RAD51B: variants seen among roughly 807,000 people sequenced by gnomAD.
RAD51B encodes DNA repair protein RAD51 homolog 2.
RAD51B carries 38 observed loss-of-function variants against 42.2 expected under a neutral mutation model. The observed-to-expected ratio is 0.90, with a 90% CI of 0.70 to 1.18. The LOEUF is 1.18. Among genes scored for constraint, RAD51B ranks in the 50% most tolerant of loss-of-function variants. The probability of loss-of-function intolerance (pLI) is 0.00; values close to 1 mark genes in which losing one functional copy is unlikely to be tolerated. For synonymous variants in RAD51B, 154 were observed against 145.2 expected (o/e 1.06, Z -0.43); for missense variants, 373 against 400.7 (o/e 0.93, Z 0.59).
At chr14:68,488,343 A>G (rs1241282253) in intron 10 of RAD51B, among the ~76,000 whole-genome samples, 2 of 152,032 alleles carry the variant, frequency 1.3e-5, no homozygotes, top group African/African-American at 4.8e-5. Flanking sequence ...AGCCTACCGT[A>G]TATAAAGGGG....
chr14:68,066,040 C>T (rs560778122), intron 7 of RAD51B, among the ~76,000 whole-genome samples: 1 of 149,910 alleles, frequency 6.7e-6, no homozygotes, highest in South Asian at 2.1e-4. Flanking sequence ...AAATATTTAT[C>T]TGCAAATATA....
At chr14:68,239,269 C>T (rs1566751103) in intron 7 of RAD51B, among the ~76,000 whole-genome samples, 1 of 152,164 alleles carries the variant, frequency 6.6e-6, no homozygotes, top group Admixed American at 6.5e-5. Context: ...CCTTCTCTGA[C>T]TCCCTTTCTC....
At chr14:68,594,463 CT>C (rs747695531) in intron 10 of RAD51B, 35 of 1,362,066 alleles carry the variant, frequency 2.6e-5, no homozygotes, top group African/African-American at 5.9e-5. Flanking sequence ...CTTTGACTTC[CT>C]TTTTTTTCTC....
At chr14:67,956,264 C>A (rs914370753) in intron 7 of RAD51B, among the ~76,000 whole-genome samples, 1 of 152,084 alleles carries the variant, frequency 6.6e-6, no homozygotes, top group African/African-American at 2.4e-5. Flanking sequence ...GTTTGGGAGG[C>A]TGAGGTGGGT....
chr14:68,502,399 C>T (rs1884989425), intron 10 of RAD51B, among the ~76,000 whole-genome samples: 1 of 152,208 alleles, frequency 6.6e-6, no homozygotes. Flanking sequence ...ACTCCCCCCA[C>T]GGGCCGCCCG....
rs180693612 is a variant in RAD51B, at chr14:68,650,027, T to C, written c.1037-754T>C. 3.4e-4 allele frequency among the ~76,000 whole-genome samples: 52 copies of C among 152,324 alleles called. 1 individual carries two copies. Among genetic ancestry groups the C allele is most frequent in the Admixed American group, 2.2e-3 (33 of 15,306 alleles). ...CTTGGCCCATTGGTCTGGGAGACTCTAAAGTCACTCCCCCCGCAGAGCCTA... is the reference window on the plus strand; with the variant it reads ...CTTGGCCCATTGGTCTGGGAGACTCCAAAGTCACTCCCCCCGCAGAGCCTA... On this transcript the variant is annotated intron_variant, in intron 10 of 11. Coordinates refer to the RAD51B transcript ENST00000488612.
At chr14:68,480,821 C>G (rs1227597348), downstream of RAD51B, among the ~76,000 whole-genome samples, 1 of 152,216 alleles carries the variant, frequency 6.6e-6, no homozygotes, top group Non-Finnish European at 1.5e-5. Context: ...CCTGTTGGGG[C>G]ATGCAAGCTG....
At chr14:67,897,420 CAA>C (rs2043457559) in intron 7 of RAD51B, among the ~76,000 whole-genome samples, 2 of 151,870 alleles carry the variant, frequency 1.3e-5, no homozygotes, top group African/African-American at 2.4e-5. Context: ...AGCAAGCAAA[CAA>C]GAGACAATAC....
At chr14:68,458,087 CAACCAGAACA>C (rs2085749487) in intron 9 of RAD51B, among the ~76,000 whole-genome samples, 1 of 151,822 alleles carries the variant, frequency 6.6e-6, no homozygotes, top group Non-Finnish European at 1.5e-5. Context: ...AATGTAATAA[CAACCAGAACA>C]AAAAATAAGA....
At chr14:68,289,697 G>T in intron 7 of RAD51B, among the ~76,000 whole-genome samples, 1 of 150,982 alleles carries the variant, frequency 6.6e-6, no homozygotes. Context: ...CTGGGCAACA[G>T]AGTGAGATCC....
chr14:68,503,211 C>T lies in RAD51B; in HGVS notation c.1036+34961C>T, dbSNP rs150126675. 1.6e-3 allele frequency among the ~76,000 whole-genome samples: 250 copies of T among 152,206 alleles called. 1 individual carries two copies. Among genetic ancestry groups the T allele is most frequent in the African/African-American group, 5.8e-3 (242 of 41,524 alleles). ...ATGGATTTGGAGGGAGGGTGGAGGG[C>T]GTAATGATGGGGAGGCCTTGGAGGT... On this transcript the variant is annotated intron_variant, in intron 10 of 10. Transcript: ENST00000487270.
rs527382581 is a variant in RAD51B at position 68,609,723 on chromosome 14, C to G, written c.1037-1283C>G. Among the ~76,000 whole-genome samples, 16 of 152,264 alleles carry G rather than the reference C, an allele frequency of 1.1e-4. No homozygotes were observed. The South Asian group carries it at 2.9e-3, about 28-fold the overall frequency. Reference sequence around the variant, plus strand: ...CTCAGCACACCATCTCTGCTCTTGTCCCCCGTATCACACACTTCTCACTGG... The same window carrying G: ...CTCAGCACACCATCTCTGCTCTTGTGCCCCGTATCACACACTTCTCACTGG... On this transcript the variant is annotated intron_variant, in intron 10 of 10. Coordinates refer to the RAD51B transcript ENST00000487861.
At chr14:68,605,218 C>A (rs1017006813) in intron 10 of RAD51B, among the ~76,000 whole-genome samples, 1 of 150,598 alleles carries the variant, frequency 6.6e-6, no homozygotes, top group Non-Finnish European at 1.5e-5. Context: ...CTTCTCGATG[C>A]ACTGAGGGAG....
At chr14:68,535,233 A>C (rs1887547208) in intron 10 of RAD51B, among the ~76,000 whole-genome samples, 2 of 152,186 alleles carry the variant, frequency 1.3e-5, no homozygotes, top group Admixed American at 1.3e-4. Flanking sequence ...TAAAAGTTAA[A>C]CAATAAATAT....
downstream of RAD51B, among the ~76,000 whole-genome samples, chr14:68,612,877 G>C (rs563854631): frequency 1.8e-4 from 27 of 151,964 alleles, no homozygotes; most frequent in South Asian, 4.4e-3. Context: ...GGGAGGGAGA[G>C]AGGGAGGAAG....
chr14:67,866,242 G>A (rs1399946618), intron 5 of RAD51B, among the ~76,000 whole-genome samples: 2 of 152,074 alleles, frequency 1.3e-5, no homozygotes, highest in Non-Finnish European at 2.9e-5. Context: ...TAACTTATTT[G>A]GATCTTGACT....
chr14:68,573,417 T>C (rs774807273), intron 10 of RAD51B, among the ~76,000 whole-genome samples: 17 of 152,168 alleles, frequency 1.1e-4, no homozygotes, highest in Non-Finnish European at 2.2e-4. Context: ...GCTCCCTGCC[T>C]CCTCACTGCC....
intron 10 of RAD51B, among the ~76,000 whole-genome samples, chr14:68,539,287 T>C (rs1192086718): frequency 1.4e-4 from 21 of 152,044 alleles, no homozygotes; most frequent in Non-Finnish European, 2.5e-4. Context: ...TTTGTTCAGG[T>C]TTGCAACAGG....
At chr14:68,038,161 G>A (rs1382131700) in intron 7 of RAD51B, among the ~76,000 whole-genome samples, 1 of 152,190 alleles carries the variant, frequency 6.6e-6, no homozygotes, top group Admixed American at 6.5e-5. Context: ...CAGTTAGAGG[G>A]ATTAGTGAAT....
Sources: gnomAD v4.1 joint callset for allele counts (sites outside exome capture counted in the v4.1 genomes callset) on GRCh38, gnomAD v4.1.1 for gene constraint, MANE v1.5 for transcripts, NCBI Gene and HGNC (gene_info 2026-07-23, HGNC 2026-07-21) for gene names.